HMGXB3: variants seen among roughly 807,000 people sequenced by gnomAD.
HMGXB3 encodes HMG-box containing 3.
In HMGXB3, 45 loss-of-function variants were observed where a neutral mutation model predicts 121.5. The ratio of observed to expected loss-of-function variants is 0.37; its 90% confidence interval spans 0.29 to 0.47. HMGXB3 has a LOEUF of 0.47. Ranked by LOEUF, HMGXB3 falls within the 20% of genes least tolerant of loss-of-function variation. The pLI is 0.99. For missense variants in HMGXB3, 1,376 were observed against 1,602.2 expected, an observed-to-expected ratio of 0.86 and a Z score of 2.41; for synonymous variants, 590 against 624.1, an observed-to-expected ratio of 0.95 and a Z score of 0.81.
chr5:150,001,867 A>G (rs1397800121), intron 1 of HMGXB3, among the ~76,000 whole-genome samples: 1 of 152,126 alleles, frequency 6.6e-6, no homozygotes, highest in Admixed American at 6.6e-5. Context: ...TTCATTACAG[A>G]TGCTCTCCTG....
chr5:150,023,866 G>A, intron 6 of HMGXB3, among the ~76,000 whole-genome samples: 1 of 152,224 alleles, frequency 6.6e-6, no homozygotes, highest in East Asian at 1.9e-4. Flanking sequence ...GGACCACCAA[G>A]GTGAACAACT....
In HMGXB3 at chr5:150,024,556, AGTG is replaced by A. The variant is rs1401786626; in HGVS notation, c.1340_1342del (p.Gly447del). On this transcript the variant is annotated inframe_deletion, in exon 7 of 20. Coordinates refer to ENST00000502717, the MANE Select transcript of HMGXB3 (RefSeq NM_014983.3). ...AGTCACTAAGACGCCAGTCGTCAAAAGTGGTGTGCAGCCTGAGGTCACTCTGGG... is the reference window on the plus strand; with the variant it reads ...AGTCACTAAGACGCCAGTCGTCAAAAGTGTGCAGCCTGAGGTCACTCTGGG... 6.4e-7 allele frequency: 1 copy of A among 1,551,734 alleles called. No individual in the cohort carries two copies. The highest frequency in any genetic ancestry group is 8.7e-7 in the Non-Finnish European group (1 of 1,147,008).
chr5:150,007,596 G>A (rs1755730681), intron 3 of HMGXB3, among the ~76,000 whole-genome samples: 1 of 152,152 alleles, frequency 6.6e-6, no homozygotes, highest in South Asian at 2.1e-4. Context: ...TCTTCTTTCT[G>A]GGAGAGCTTT....
chr5:150,022,453 C>G (rs551513429), intron 6 of HMGXB3, among the ~76,000 whole-genome samples: 2 of 152,312 alleles, frequency 1.3e-5, no homozygotes, highest in Middle Eastern at 3.4e-3. Flanking sequence ...GTTGAGGTCT[C>G]TCTGAGCCTG....
intron 3 of HMGXB3, among the ~76,000 whole-genome samples, chr5:150,009,423 A>G (rs188000898): frequency 1.5e-4 from 23 of 152,344 alleles, no homozygotes; most frequent in Non-Finnish European, 2.8e-4. Flanking sequence ...CATTGTTAAT[A>G]TTCACATTTT....
rs142380672 is a variant in HMGXB3, at chr5:150,031,780, A to C, written c.1834-674A>C. On this transcript the variant is annotated intron_variant, in intron 10 of 19. Transcript: ENST00000502717. The stretch of plus-strand genomic sequence containing the variant: ...GCACATATTCTGTACTAGGATCTGT[A>C]CTGGGGATTCAGTAGCAAACAAGAC... 1.2e-3 allele frequency among the ~76,000 whole-genome samples: 182 copies of C among 152,322 alleles called. 2 individuals carry two copies. The highest frequency in any genetic ancestry group is 4.0e-3 in the African/African-American group (167 of 41,574).
At chr5:150,045,344 G>A (rs1756732539) in intron 15 of HMGXB3, 122 bp from the exon 16 acceptor site, 5 of 786,982 alleles carry the variant, frequency 6.4e-6, no homozygotes, top group South Asian at 5.1e-5. Context: ...GGCAGTGCCT[G>A]GCTGTCTGAC....
At chr5:150,020,680 T>C in intron 6 of HMGXB3, among the ~76,000 whole-genome samples, 1 of 151,950 alleles carries the variant, frequency 6.6e-6, no homozygotes, top group Non-Finnish European at 1.5e-5. Context: ...CTGCCTCAGC[T>C]TCCTGAGTAG....
chr5:150,022,865 A>C (rs1581253846), intron 6 of HMGXB3, among the ~76,000 whole-genome samples: 1 of 133,862 alleles, frequency 7.5e-6, no homozygotes, highest in Non-Finnish European at 1.5e-5. Context: ...TCGCTCTGTC[A>C]CCCAGGCATG....
At chr5:150,003,717 A>C (rs1755630460) in intron 1 of HMGXB3, among the ~76,000 whole-genome samples, 1 of 151,776 alleles carries the variant, frequency 6.6e-6, no homozygotes, top group Non-Finnish European at 1.5e-5. Context: ...TAATACCAAC[A>C]GTTTGAGAGG....
intron 6 of HMGXB3, among the ~76,000 whole-genome samples, chr5:150,020,430 G>A (rs1756061931): frequency 6.6e-6 from 1 of 152,208 alleles, no homozygotes; most frequent in African/African-American, 2.4e-5. Context: ...TGCGAAACAG[G>A]TCTCAAATGA....
At chr5:150,005,015 C>G in intron 2 of HMGXB3, 26 bp downstream of exon 2, 1 of 1,534,318 alleles carries the variant, frequency 6.5e-7, no homozygotes, top group Non-Finnish European at 8.8e-7. Context: ...TTGGTTGCTG[C>G]TAGCATTTAT....
chr5:150,047,957 A>G, intron 17 of HMGXB3, among the ~76,000 whole-genome samples, 200 bp downstream of exon 17: 1 of 152,240 alleles, frequency 6.6e-6, no homozygotes, highest in East Asian at 1.9e-4. Context: ...CTCCTGTTGA[A>G]GGTTGTGAGC....
At chr5:150,031,647 T>C (rs558956322) in intron 10 of HMGXB3, among the ~76,000 whole-genome samples, 1 of 152,362 alleles carries the variant, frequency 6.6e-6, no homozygotes, top group South Asian at 2.1e-4. Context: ...CTGATTTGAT[T>C]AAGATGAACA....
Position 150,036,934 on chromosome 5 carries a change from A to C in HMGXB3, c.2282A>C (p.Gln761Pro), listed in dbSNP as rs559849921. 1.0e-4 allele frequency: 161 copies of C among 1,549,456 alleles called. No homozygotes were observed. Among genetic ancestry groups the C allele is most frequent in the Admixed American group, 2.0e-4 (10 of 50,888 alleles). ...LCSSPLFKGG[Q>P]NSLAGPQECW... ...AGCAGCCCATTATTCAAAGGGGGAC[A>C]AAAGTAAGCACCCCTTAACTCTGCC... Residue 761 changes from glutamine to proline, a missense_variant, in exon 12 of 20, where the codon CAA (glutamine) becomes CCA (proline). Gln to Pro is a moderately conservative substitution (Grantham distance 76). Coordinates refer to ENST00000502717, the MANE Select transcript of HMGXB3 (RefSeq NM_014983.3).
In HMGXB3 at chr5:150,030,754, C is replaced by T. The variant is rs1401367249; in HGVS notation, c.1748C>T (p.Pro583Leu). Residue 583 changes from proline (P) to leucine (L), a missense_variant, in exon 10 of 20, where the codon CCA becomes CTA. Physicochemically the swap from Pro to Leu is moderately conservative, Grantham distance 98. This residue lies in a region of HMGXB3 where 1,116 missense variants were observed against 1,369.0 expected (regional missense o/e 0.82). Transcript: ENST00000502717. ...GPGEVKLPSG[P>L]SNRTSQVKVV... ...TCTGATCCACAGCTACCAAGTGGCC[C>T]ATCCAACAGGACTTCTCAGGTGAAA... 9 of 1,551,954 alleles carry T rather than the reference C, an allele frequency of 5.8e-6. No homozygotes were observed. Among genetic ancestry groups the T allele is most frequent in the African/African-American group, 1.4e-5 (1 of 73,054 alleles).
At chr5:150,001,820 C>A (rs1755577380) in intron 1 of HMGXB3, among the ~76,000 whole-genome samples, 1 of 152,306 alleles carries the variant, frequency 6.6e-6, no homozygotes, top group Non-Finnish European at 1.5e-5. Flanking sequence ...TGTTTCCTAA[C>A]CCGTTTTGCG....
intron 18 of HMGXB3, among the ~76,000 whole-genome samples, chr5:150,049,304 G>C (rs929865205): frequency 6.6e-6 from 1 of 152,174 alleles, no homozygotes; most frequent in African/African-American, 2.4e-5. Flanking sequence ...GGATGGTTTT[G>C]AATGGGAAAT....
chr5:150,024,849 G>A (rs1049121186), intron 7 of HMGXB3, among the ~76,000 whole-genome samples, 169 bp downstream of exon 7: 4 of 152,116 alleles, frequency 2.6e-5, no homozygotes, highest in Non-Finnish European at 5.9e-5. Context: ...CCCTTCCCCC[G>A]GACTCTGCTA....
Sources: gnomAD v4.1 joint callset for allele counts (sites outside exome capture counted in the v4.1 genomes callset) on GRCh38, gnomAD v4.1.1 for gene constraint, gnomAD v4.1.1 regional missense constraint, MANE v1.5 for transcripts, NCBI Gene and HGNC (gene_info 2026-07-23, HGNC 2026-07-21) for gene names.